Variants in PDE11A observed in about 807,000 individuals in gnomAD.
PDE11A encodes the protein dual 3',5'-cyclic-AMP and -GMP phosphodiesterase 11A.
Under a neutral mutation model 100.5 loss-of-function variants are expected in PDE11A, and 100 were observed. The ratio of observed to expected loss-of-function variants is 1.00; its 90% confidence interval spans 0.85 to 1.18. The LOEUF (loss-of-function observed/expected upper bound fraction) is 1.18, where lower values mean the gene tolerates loss of function less well. Ranked by LOEUF, PDE11A falls within the 50% of genes most tolerant of loss-of-function variation. PDE11A has a pLI of 0.00. For missense variants in PDE11A, 1,141 were observed against 1,152.6 expected (o/e 0.99, Z 0.15); for synonymous variants, 381 against 420.8 (o/e 0.91, Z 1.16).
intron 10 of PDE11A, among the ~76,000 whole-genome samples, chr2:177,733,753 A>G (rs753689319): frequency 4.3e-4 from 65 of 152,364 alleles, no homozygotes; most frequent in South Asian, 1.0e-3. Context: ...AAGGGACAGC[A>G]AAGTTCTTTC....
intron 19 of PDE11A, among the ~76,000 whole-genome samples, chr2:177,661,858 A>G (rs562392479): frequency 6.6e-5 from 10 of 152,344 alleles, no homozygotes; most frequent in Non-Finnish European, 1.5e-5. Context: ...AGAAATTTCC[A>G]TCAGAGGTGA....
At chr2:177,985,323 G>A (rs1041286050) in intron 2 of PDE11A, among the ~76,000 whole-genome samples, 1 of 152,126 alleles carries the variant, frequency 6.6e-6, no homozygotes, top group Non-Finnish European at 1.5e-5. Context: ...TTCTTGAAAA[G>A]TGATCATTTA....
intron 1 of PDE11A, chr2:178,105,858 C>CAA: frequency 5.9e-5 from 16 of 269,312 alleles, no homozygotes; most frequent in South Asian, 1.6e-4. Flanking sequence ...GGTTTCTGTC[C>CAA]AAAAAAAAAA....
intron 2 of PDE11A, among the ~76,000 whole-genome samples, chr2:178,088,356 G>A (rs1431492247): frequency 6.6e-6 from 1 of 152,162 alleles, no homozygotes; most frequent in Non-Finnish European, 1.5e-5. Flanking sequence ...ACATATTGTA[G>A]GACACAAGGG....
chr2:178,093,978 G>A (rs1411526453), intron 2 of PDE11A, among the ~76,000 whole-genome samples: 4 of 152,074 alleles, frequency 2.6e-5, no homozygotes, highest in East Asian at 1.9e-4. Context: ...ACCCATAAAC[G>A]CTCAGGTATA....
At chr2:178,007,965 T>C (rs6729893) in intron 2 of PDE11A, among the ~76,000 whole-genome samples, 149,969 of 152,242 alleles carry the variant, frequency 0.99, 73,901 homozygotes, top group East Asian at 1. Context: ...CTCGGCCTCC[T>C]AAAGTGCTCA....
At position 177,628,958 on chromosome 2, in the gene PDE11A, G is replaced by A. The variant is rs1317183016; in HGVS notation, c.*449C>T. 9.2e-6 allele frequency: 2 copies of A among 217,760 alleles called. No homozygotes were observed. The highest frequency in any genetic ancestry group is 5.2e-5 in the Admixed American group (1 of 19,084). 13.5% of individuals were successfully genotyped at this position (217,760 alleles called of 1,614,324 possible). A position where few individuals can be genotyped will look rare whatever the true frequency, so the allele number is the denominator to read the frequency against. ...AATACAAATTAGGATTCTTGGGACA[G>A]TCTGGCACAAAAAGGCATTCAGGGA... On this transcript the variant is annotated 3_prime_UTR_variant, in exon 20 of 20. Coordinates refer to ENST00000286063, the MANE Select transcript of PDE11A (RefSeq NM_016953.4).
rs146028624 is a variant in PDE11A, at chr2:177,663,146, G to A, written c.2646+720C>T. Among the ~76,000 whole-genome samples, 149 of 150,996 alleles carry A rather than the reference G, an allele frequency of 9.9e-4. 3 individuals carry two copies. The highest frequency in any genetic ancestry group is 3.6e-3 in the African/African-American group (146 of 40,334). On this transcript the variant is annotated intron_variant, in intron 19 of 19. Transcript: ENST00000286063. ...AGCCAATGTACAATAAACTGTTAGT[G>A]TTAACTGATGCCAGCCCTGATCCGC... is the stretch of plus-strand genomic sequence containing the variant.
intron 9 of PDE11A, among the ~76,000 whole-genome samples, chr2:177,791,345 C>T (rs913704467): frequency 2.6e-4 from 34 of 132,092 alleles, no homozygotes; most frequent in African/African-American, 2.4e-4. Context: ...AATGAGAACA[C>T]GTGGACACAG....
In PDE11A at chr2:177,691,674, T is replaced by C. The variant is rs568411990; in HGVS notation, c.2345+5658A>G. 3.3e-4 allele frequency among the ~76,000 whole-genome samples: 51 copies of C among 152,250 alleles called. No individual in the cohort carries two copies. In the South Asian group the frequency reaches 0.01, roughly 30 times the overall value. On this transcript the variant is annotated intron_variant, in intron 15 of 19. Transcript: ENST00000286063. ...AACCTCAGTTTCCTCATGTGTACTG[T>C]GGGGTTAATGAGAAAAGAAAAAACA...
intron 2 of PDE11A, 58 bp downstream of exon 2, chr2:178,014,244 G>T: frequency 1.5e-6 from 2 of 1,292,074 alleles, no homozygotes; most frequent in South Asian, 1.2e-5. Context: ...TTTTAAAGGA[G>T]AATAGCAATC....
intron 13 of PDE11A, among the ~76,000 whole-genome samples, chr2:177,701,657 A>G (rs1308043954): frequency 6.6e-6 from 1 of 152,232 alleles, no homozygotes; most frequent in Non-Finnish European, 1.5e-5. Flanking sequence ...AAGCTTCATG[A>G]ACTAAACCTT....
At chr2:177,920,253 T>G (rs10180071) in intron 2 of PDE11A, among the ~76,000 whole-genome samples, 3 of 151,516 alleles carry the variant, frequency 2.0e-5, no homozygotes, top group African/African-American at 4.9e-5. Context: ...ATATGTAAAA[T>G]AAATTAAAAA....
rs539564799 is a variant in PDE11A at position 177,697,175 on chromosome 2, C to G, written c.2345+157G>C. Among the ~76,000 whole-genome samples, 208 of 152,290 alleles carry G rather than the reference C, an allele frequency of 1.4e-3. 5 individuals are homozygous for G. The South Asian group carries it at 0.032, about 23-fold the overall frequency. On this transcript the variant is annotated intron_variant, in intron 15 of 19. Coordinates refer to ENST00000286063, the MANE Select transcript of PDE11A (RefSeq NM_016953.4). ...GGCTTATACACACCACTTTAATGGA[C>G]TTCATTTATATCAGAGAGAAACAAC...
chr2:178,095,613 G>A (rs1450532080), intron 2 of PDE11A, among the ~76,000 whole-genome samples: 1 of 152,230 alleles, frequency 6.6e-6, no homozygotes, highest in Non-Finnish European at 1.5e-5. Context: ...CAATGCCCCA[G>A]TAGGGACTCT....
intron 6 of PDE11A, among the ~76,000 whole-genome samples, chr2:177,831,353 C>T (rs144995060): frequency 2.3e-3 from 350 of 152,334 alleles, no homozygotes; most frequent in African/African-American, 7.8e-3. Context: ...AAGGATCATT[C>T]TCTTGCTGCA....
At chr2:177,822,416 G>A (rs2083155026) in intron 6 of PDE11A, among the ~76,000 whole-genome samples, 1 of 151,886 alleles carries the variant, frequency 6.6e-6, no homozygotes, top group African/African-American at 2.4e-5. Flanking sequence ...ATTTGGATCT[G>A]TTTCTGGACT....
intron 14 of PDE11A, among the ~76,000 whole-genome samples, chr2:177,698,209 G>A (rs750050812): frequency 2.6e-5 from 4 of 152,150 alleles, no homozygotes; most frequent in African/African-American, 4.8e-5. Flanking sequence ...ATAAGACATC[G>A]TTCTTGGCAC....
chr2:177,662,095 T>A (rs1034430392), intron 19 of PDE11A, among the ~76,000 whole-genome samples: 18 of 152,228 alleles, frequency 1.2e-4, no homozygotes, highest in African/African-American at 4.1e-4. Context: ...TTCTAGAAAC[T>A]GCTATTTCCA....
Sources: allele counts gnomAD v4.1 joint callset (sites outside exome capture counted in the v4.1 genomes callset), GRCh38; gene constraint gnomAD v4.1.1; transcripts MANE v1.5; gene names NCBI Gene and HGNC (gene_info 2026-07-23, HGNC 2026-07-21).